FAAP20: variants seen among roughly 807,000 people sequenced by gnomAD.
FAAP20 encodes Fanconi anemia core complex-associated protein 20.
Under a neutral mutation model 16.2 loss-of-function variants are expected in FAAP20, and 12 were observed. The observed-to-expected ratio is 0.74, with a 90% confidence interval of 0.48 to 1.20. The LOEUF (loss-of-function observed/expected upper bound fraction) is 1.20. FAAP20 is among the 50% of genes most tolerant of loss of function. FAAP20 has a pLI of 0.00. For missense variants in FAAP20, 288 were observed against 245.8 expected, an observed-to-expected ratio of 1.17 and a Z score of -1.15; for synonymous variants, 141 against 110.7, an observed-to-expected ratio of 1.27 and a Z score of -1.72.
At chr1:2,187,184 A>G (rs1482379310), downstream of FAAP20, 2 of 471,642 alleles carry the variant, frequency 4.2e-6, no homozygotes, top group South Asian at 3.1e-5. Context: ...GGGTCATTCA[A>G]AGTCTTGCAC....
chr1:2,191,523 G>A (rs12734675), intron 3 of FAAP20: 4,260 of 152,492 alleles, frequency 0.028, 80 homozygotes, highest in Non-Finnish European at 0.042. Context: ...CGAGACGGGC[G>A]GATCACCTGA....
downstream of FAAP20, among the ~76,000 whole-genome samples, chr1:2,210,894 C>T (rs561042108): frequency 2.2e-4 from 33 of 152,360 alleles, no homozygotes; most frequent in African/African-American, 6.7e-4. Flanking sequence ...CAGACAGGGA[C>T]GCAAGCTGGC....
downstream of FAAP20, among the ~76,000 whole-genome samples, chr1:2,208,509 G>A (rs1328811690): frequency 6.6e-6 from 1 of 152,204 alleles, no homozygotes; most frequent in Non-Finnish European, 1.5e-5. Flanking sequence ...AGGTGGACCC[G>A]CGTGCGGAAG....
At chr1:2,188,878 G>A (rs574462661), downstream of FAAP20, among the ~76,000 whole-genome samples, 2 of 152,250 alleles carry the variant, frequency 1.3e-5, no homozygotes, top group South Asian at 2.1e-4. Flanking sequence ...GGTGGCGGGC[G>A]CCTGTAGTCC....
At chr1:2,210,428 G>A (rs1181724119), downstream of FAAP20, among the ~76,000 whole-genome samples, 1 of 152,236 alleles carries the variant, frequency 6.6e-6, no homozygotes, top group Non-Finnish European at 1.5e-5. Context: ...CCTGCCTGCC[G>A]CCTCCCCCAC....
upstream of FAAP20, among the ~76,000 whole-genome samples, chr1:2,202,029 AAAAG>A (rs919363710): frequency 6.6e-6 from 1 of 151,912 alleles, no homozygotes; most frequent in African/African-American, 2.4e-5. Flanking sequence ...AAAAAAAAAA[AAAAG>A]AAGAAGAAGA....
At chr1:2,193,468 G>C in intron 3 of FAAP20, 171 bp downstream of exon 3, 1 of 1,079,428 alleles carries the variant, frequency 9.3e-7, no homozygotes. Flanking sequence ...CCCCAGACCC[G>C]TGACAGAGAG....
intron 3 of FAAP20, chr1:2,192,588 G>C (rs903379632): frequency 9.3e-7 from 1 of 1,077,640 alleles, no homozygotes. Context: ...TCAGCCAAGA[G>C]CATGGATTTC....
chr1:2,198,283 G>A (rs1000121336), upstream of FAAP20: 2 of 850,362 alleles, frequency 2.4e-6, no homozygotes, highest in Non-Finnish European at 3.2e-6. Context: ...GTGATCGAGT[G>A]GGTGGGGGCA....
At chr1:2,203,343 G>T, upstream of FAAP20, 1 of 876,440 alleles carries the variant, frequency 1.1e-6, no homozygotes, top group Non-Finnish European at 1.4e-6. Flanking sequence ...AGTGGGGCAG[G>T]CTCTCTGGAC....
chr1:2,203,040 G>A (rs1006868557), upstream of FAAP20, among the ~76,000 whole-genome samples: 2 of 152,182 alleles, frequency 1.3e-5, no homozygotes, highest in African/African-American at 4.8e-5. Context: ...CCATCCGAGT[G>A]GGACACTGGC....
At chr1:2,194,887 TC>T, upstream of FAAP20, 1 of 784,980 alleles carries the variant, frequency 1.3e-6, no homozygotes, top group East Asian at 9.5e-5. Context: ...GGGGCCCTGA[TC>T]CCAGCCTGTA....
upstream of FAAP20, chr1:2,200,896 A>G (rs1321205232): frequency 5.5e-6 from 6 of 1,094,246 alleles, no homozygotes; most frequent in Admixed American, 2.5e-4. Context: ...CCCCCTCGGG[A>G]GTCCCCAGGG....
upstream of FAAP20, chr1:2,212,649 G>C (rs1638237757): frequency 8.6e-6 from 2 of 231,230 alleles, no homozygotes; most frequent in South Asian, 9.5e-5. Flanking sequence ...CTCAGGGTGG[G>C]TAAAAATAGC....
At chr1:2,211,435 A>ATAT (rs1557797987), downstream of FAAP20, among the ~76,000 whole-genome samples, 1 of 8,564 alleles carries the variant, frequency 1.2e-4, no homozygotes, top group Non-Finnish European at 1.6e-4. Context: ...ATATATATAT[A>ATAT]TTTTTTTTTT....
At chr1:2,201,099 C>G (rs761460890), upstream of FAAP20, 5 of 1,288,742 alleles carry the variant, frequency 3.9e-6, no homozygotes, top group Non-Finnish European at 1.0e-6. Flanking sequence ...CTTGGTGCAT[C>G]CCCTGTGCAG....
chr1:2,208,388 G>C (rs576629842), downstream of FAAP20, among the ~76,000 whole-genome samples: 3 of 152,258 alleles, frequency 2.0e-5, no homozygotes, highest in African/African-American at 7.2e-5. Flanking sequence ...CCTGGCAAGC[G>C]GATTGCAATC....
chr1:2,198,870 C>T (rs1236823520), upstream of FAAP20: 6 of 1,289,672 alleles, frequency 4.7e-6, no homozygotes, highest in Non-Finnish European at 6.1e-6. Context: ...CACCCATAGC[C>T]AGATGTGGTG....
At chr1:2,205,134 A>C (rs1013469759) in intron 3 of FAAP20, among the ~76,000 whole-genome samples, 2 of 6,896 alleles carry the variant, frequency 2.9e-4, no homozygotes, top group Admixed American at 1.7e-3. Context: ...CCCACGCCCC[A>C]CCCCTCAATC....
Sources: gnomAD v4.1 joint callset for allele counts (sites outside exome capture counted in the v4.1 genomes callset) on GRCh38, gnomAD v4.1.1 for gene constraint, MANE v1.5 for transcripts, NCBI Gene and HGNC (gene_info 2026-07-23, HGNC 2026-07-21) for gene names.